The following UBA5 variants were observed in gnomAD, a reference collection of about 807,000 sequenced individuals.
UBA5 encodes the protein ubiquitin like modifier activating enzyme 5.
A neutral mutation model predicts 52.9 loss-of-function variants in UBA5; 28 were observed. That is an observed-to-expected ratio of 0.53 (90% CI 0.39 to 0.73). The LOEUF is 0.73. Among genes scored for constraint, UBA5 ranks in the 30% least tolerant of loss-of-function variants. The pLI, the probability that UBA5 is intolerant of heterozygous loss-of-function variation, is 0.00. For missense variants in UBA5, 388 were observed against 492.7 expected, an observed-to-expected ratio of 0.79 and a Z score of 2.01; for synonymous variants, 135 against 162.1, an observed-to-expected ratio of 0.83 and a Z score of 1.27.
rs1403051436 is a variant in UBA5, at chr3:132,678,462, A to T, written c.*1936A>T. Among the ~76,000 whole-genome samples, 1 of 152,094 alleles carries T rather than the reference A, an allele frequency of 6.6e-6. No homozygotes were observed. Among genetic ancestry groups the T allele is most frequent in the Non-Finnish European group, 1.5e-5 (1 of 68,008 alleles). ...GTCCCAGAATTGGCTTAGCACAGAG[A>T]CTCTAAATGATAGTAAAACAACATA... On this transcript the variant is annotated 3_prime_UTR_variant, in exon 12 of 12. Coordinates refer to ENST00000356232, the MANE Select transcript of UBA5 (RefSeq NM_024818.6).
chr3:132,654,563 C>G (rs955505519), exon 1 of UBA5: 5 of 152,172 alleles, frequency 3.3e-5, no homozygotes, highest in Admixed American at 2.0e-4. Context: ...CCGTAAAAGC[C>G]AATCATGGCT....
rs1408992117 is a variant in UBA5 at position 132,677,924 on chromosome 3, T to G, written c.*1398T>G. ...CTTATTTATGTTGCCTTGGTGAGTCTTCTATCATTTTTTAAAAATTTAGCT... is the reference window on the plus strand; with the variant it reads ...CTTATTTATGTTGCCTTGGTGAGTCGTCTATCATTTTTTAAAAATTTAGCT... On this transcript the variant is annotated 3_prime_UTR_variant, in exon 12 of 12. Coordinates refer to ENST00000356232, the MANE Select transcript of UBA5 (RefSeq NM_024818.6). 1 of 152,224 alleles carries G rather than the reference T, an allele frequency of 6.6e-6. No individual in the cohort carries two copies. The highest frequency in any genetic ancestry group is 2.4e-5 in the African/African-American group (1 of 41,472). The allele number at this position is 152,224 out of a possible 1,614,324, so 9.4% of individuals were successfully genotyped here. A position where few individuals can be genotyped will look rare whatever the true frequency, so the allele number is the denominator to read the frequency against.
chr3:132,663,654 G>A (rs2107928118), intron 1 of UBA5, among the ~76,000 whole-genome samples: 1 of 152,210 alleles, frequency 6.6e-6, no homozygotes, highest in South Asian at 2.1e-4. Flanking sequence ...CTGGCCAGAT[G>A]ACCCTACAGT....
chr3:132,657,110 TCC>T (rs1257188278), upstream of UBA5, among the ~76,000 whole-genome samples: 2 of 152,226 alleles, frequency 1.3e-5, no homozygotes, highest in Non-Finnish European at 1.5e-5. Context: ...TTACACATCT[TCC>T]AAACATTTAT....
chr3:132,673,899 G>A (rs780983764), intron 8 of UBA5, among the ~76,000 whole-genome samples: 2 of 152,068 alleles, frequency 1.3e-5, no homozygotes, highest in South Asian at 4.2e-4. Flanking sequence ...TCCTGGGCTC[G>A]AGCAGTCTGC....
At chr3:132,670,793 TAA>T (rs1037536354) in intron 5 of UBA5, 170 bp from the exon 6 acceptor site, 69 of 431,624 alleles carry the variant, frequency 1.6e-4, no homozygotes, top group African/African-American at 1.2e-3. Context: ...GTTATATTCA[TAA>T]GTTACTCAAT....
In UBA5 at chr3:132,669,562, C is replaced by G. The variant is rs535425051; in HGVS notation, c.407+635C>G. ...AGCATTGCAGGCATGAGTCACTGTTCCTGGCTGATAAAATTTTTATAGTCA... is the reference window on the plus strand; with the variant it reads ...AGCATTGCAGGCATGAGTCACTGTTGCTGGCTGATAAAATTTTTATAGTCA... On this transcript the variant is annotated intron_variant, in intron 4 of 11. Coordinates refer to ENST00000356232, the MANE Select transcript of UBA5 (RefSeq NM_024818.6). 9.8e-5 allele frequency among the ~76,000 whole-genome samples: 15 copies of G among 152,290 alleles called. No individual in the cohort carries two copies. In the South Asian group the frequency reaches 2.7e-3, roughly 27 times the overall value.
chr3:132,675,734 T>C (rs879109012), intron 10 of UBA5, 54 bp downstream of exon 10: 2 of 1,541,806 alleles, frequency 1.3e-6, no homozygotes, highest in South Asian at 2.3e-5. Flanking sequence ...CCTTTTATGG[T>C]AGCAAATCTA....
chr3:132,677,012 C>A lies in UBA5; in HGVS notation c.*486C>A. On this transcript the variant is annotated 3_prime_UTR_variant, in exon 12 of 12. Coordinates refer to ENST00000356232, the MANE Select transcript of UBA5 (RefSeq NM_024818.6). ...CTTTCTATAAGAAAATTGCCCACTA[C>A]TACTAACTTGATCAACAATGAATTC... is the stretch of plus-strand genomic sequence containing the variant. 2.9e-6 allele frequency: 1 copy of A among 340,330 alleles called. No individual in the cohort carries two copies. The allele number at this position is 340,330 out of a possible 1,614,324, so 21.1% of individuals were successfully genotyped here. A position where few individuals can be genotyped will look rare whatever the true frequency, so the allele number is the denominator to read the frequency against.
intron 8 of UBA5, among the ~76,000 whole-genome samples, chr3:132,674,095 G>A (rs1256122920): frequency 6.6e-6 from 1 of 152,178 alleles, no homozygotes. Context: ...TGATAACTTT[G>A]AGTATCATCA....
At chr3:132,669,824 T>C (rs182421854) in intron 4 of UBA5, among the ~76,000 whole-genome samples, 1 of 152,338 alleles carries the variant, frequency 6.6e-6, no homozygotes, top group African/African-American at 2.4e-5. Flanking sequence ...CTTAGATTGA[T>C]TGGGGTGGGA....
chr3:132,675,764 A>G, intron 10 of UBA5, 53 bp from the exon 11 acceptor site: 1 of 1,544,972 alleles, frequency 6.5e-7, no homozygotes, highest in Non-Finnish European at 8.9e-7. Context: ...TACAAATTGA[A>G]TAATTATTGC....
chr3:132,671,114 T>A, intron 6 of UBA5, 65 bp downstream of exon 6: 7 of 1,341,228 alleles, frequency 5.2e-6, no homozygotes, highest in Non-Finnish European at 7.4e-6. Flanking sequence ...ATTCTATCAG[T>A]ATATAATCCC....
chr3:132,671,917 T>TA, intron 7 of UBA5, 36 bp downstream of exon 7: 2 of 1,605,764 alleles, frequency 1.2e-6, no homozygotes, highest in South Asian at 1.1e-5. Context: ...TCTTCACTGT[T>TA]AGATACTTGA....
intron 5 of UBA5, 113 bp downstream of exon 5, chr3:132,670,397 AT>A: frequency 1.9e-6 from 1 of 526,448 alleles, no homozygotes. Flanking sequence ...ATATTTTTCC[AT>A]TTTTTTAGTA....
In UBA5 at chr3:132,660,668, G is replaced by C. The variant is rs1408298468; in HGVS notation, c.131G>C (p.Ser44Thr). Residue 44 changes from serine (S) to threonine (T), a missense_variant, in exon 1 of 12, where the codon AGC (serine) becomes ACC (threonine). Transcript: ENST00000356232. The surrounding 1 kb of genome is among the most constrained non-coding windows in gnomAD (Gnocchi z 4.1). ...GGGRVRIEKM[S>T]SEVVDSNPYS... ...GGCCGGGTCCGCATCGAGAAGATGA[G>C]CTCAGAGGTGGTGGATTCGAATCCC... 3 of 1,575,108 alleles carry C rather than the reference G, an allele frequency of 1.9e-6. No individual in the cohort carries two copies. The highest frequency in any genetic ancestry group is 2.6e-6 in the Non-Finnish European group (3 of 1,160,662).
Position 132,676,753 on chromosome 3 carries a change from T to C in UBA5, c.*227T>C, listed in dbSNP as rs572798303. 63 of 580,942 alleles carry C rather than the reference T, an allele frequency of 1.1e-4. 1 individual carries two copies. The highest frequency in any genetic ancestry group is 6.9e-4 in the Admixed American group (32 of 46,326). The allele number at this position is 580,942 out of a possible 1,614,324, so 36.0% of individuals were successfully genotyped here. A position where few individuals can be genotyped will look rare whatever the true frequency, so the allele number is the denominator to read the frequency against. On this transcript the variant is annotated 3_prime_UTR_variant, in exon 12 of 12. Transcript: ENST00000356232. This position sits in a 1 kb window ranked among gnomAD's most constrained non-coding sequence, Gnocchi z 4.1. ...TCTAGTAAGAAAACCTCAAAGGATA[T>C]TGTAGGATATAAATCTTACTTGAAA...
intron 3 of UBA5, chr3:132,668,100 G>T (rs575274103): frequency 1.8e-4 from 27 of 151,992 alleles, no homozygotes; most frequent in African/African-American, 6.3e-4. Flanking sequence ...GAAGGGACAG[G>T]AAGTCCTTGG....
In UBA5 at chr3:132,678,378, CAT is replaced by C. The variant is rs1383090172; in HGVS notation, c.*1854_*1855del. 6.6e-6 allele frequency among the ~76,000 whole-genome samples: 1 copy of C among 152,150 alleles called. No individual in the cohort carries two copies. Among genetic ancestry groups the C allele is most frequent in the Non-Finnish European group, 1.5e-5 (1 of 68,028 alleles). ...TCATTGAATTTAGTATTACTAAACTCATAGCATTTGTCCAGATTTGTAAACAC... is the reference window on the plus strand; with the variant it reads ...TCATTGAATTTAGTATTACTAAACTCAGCATTTGTCCAGATTTGTAAACAC... On this transcript the variant is annotated 3_prime_UTR_variant, in exon 12 of 12. Coordinates refer to ENST00000356232, the MANE Select transcript of UBA5 (RefSeq NM_024818.6).
Sources: gnomAD v4.1 joint callset for allele counts (sites outside exome capture counted in the v4.1 genomes callset) on GRCh38, gnomAD v4.1.1 for gene constraint, Gnocchi (gnomAD v3.1) non-coding constraint, MANE v1.5 for transcripts, NCBI Gene and HGNC (gene_info 2026-07-23, HGNC 2026-07-21) for gene names.